The following SMYD3 variants were observed in gnomAD, a reference collection of about 807,000 sequenced individuals.
SMYD3 encodes SET and MYND domain containing 3.
In SMYD3, 36 loss-of-function variants were observed where a neutral mutation model predicts 57.7. The observed-to-expected ratio is 0.62, with a 90% CI of 0.48 to 0.82. The LOEUF (loss-of-function observed/expected upper bound fraction) is 0.82, where lower values mean the gene tolerates loss of function less well. Ranked by LOEUF, SMYD3 falls within the 40% of genes least tolerant of loss-of-function variation. The pLI is 0.00. For synonymous variants in SMYD3, 211 were observed against 195.0 expected (o/e 1.08, Z -0.68); for missense variants, 515 against 538.8 (o/e 0.96, Z 0.44).
chr1:246,020,601 G>T (rs756165857), intron 5 of SMYD3, among the ~76,000 whole-genome samples: 13 of 152,136 alleles, frequency 8.5e-5, no homozygotes, highest in Non-Finnish European at 1.8e-4. Flanking sequence ...AATAATAACA[G>T]TAGCTAACAC....
intron 10 of SMYD3, among the ~76,000 whole-genome samples, chr1:245,766,815 G>A (rs1439133833): frequency 6.6e-6 from 1 of 152,230 alleles, no homozygotes; most frequent in Non-Finnish European, 1.5e-5. Flanking sequence ...AGAGAAAGCG[G>A]TGTGTCATTA....
chr1:246,414,166 T>C (rs1290661731), intron 1 of SMYD3, among the ~76,000 whole-genome samples: 1 of 152,100 alleles, frequency 6.6e-6, no homozygotes, highest in East Asian at 1.9e-4. Context: ...CAGAGAGACA[T>C]AGCTACCAAA....
At chr1:246,183,287 G>A (rs2062582757) in intron 5 of SMYD3, among the ~76,000 whole-genome samples, 1 of 151,868 alleles carries the variant, frequency 6.6e-6, no homozygotes, top group African/African-American at 2.4e-5. Flanking sequence ...GAGGAATAAC[G>A]AGAAACTACA....
At chr1:246,148,398 G>T (rs1049386638) in intron 5 of SMYD3, among the ~76,000 whole-genome samples, 4 of 152,090 alleles carry the variant, frequency 2.6e-5, no homozygotes, top group African/African-American at 9.7e-5. Flanking sequence ...TCCACTAGAT[G>T]ACCTGCCTAC....
chr1:246,280,228 CTAACT>C (rs1385382893), intron 5 of SMYD3, among the ~76,000 whole-genome samples: 1 of 152,098 alleles, frequency 6.6e-6, no homozygotes, highest in African/African-American at 2.4e-5. Flanking sequence ...ATAACTAAAA[CTAACT>C]TTTCTTTATA....
rs570373554 is a variant in SMYD3 at position 246,371,864 on chromosome 1, C to G, written c.165-16770G>C. Among the ~76,000 whole-genome samples, 21 of 152,198 alleles carry G rather than the reference C, an allele frequency of 1.4e-4. No homozygotes were observed. The South Asian group carries it at 4.2e-3, about 30-fold the overall frequency. On this transcript the variant is annotated intron_variant, in intron 1 of 11. Coordinates refer to ENST00000490107, the MANE Select transcript of SMYD3 (RefSeq NM_001167740.2). ...TGGAGTCGTTTGTTCATTTAAGAGGCCTGAAGCCATCTTCTCCTTCTGCCT... is the reference window on the plus strand; with the variant it reads ...TGGAGTCGTTTGTTCATTTAAGAGGGCTGAAGCCATCTTCTCCTTCTGCCT...
At chr1:245,768,893 A>G (rs75686289) in intron 10 of SMYD3, among the ~76,000 whole-genome samples, 2 of 149,566 alleles carry the variant, frequency 1.3e-5, no homozygotes, top group African/African-American at 2.5e-5. Context: ...GAACTGTGAG[A>G]AAAAAAAAAA....
At chr1:245,897,320 G>A (rs1039382609) in intron 8 of SMYD3, among the ~76,000 whole-genome samples, 14 of 152,186 alleles carry the variant, frequency 9.2e-5, no homozygotes, top group East Asian at 3.8e-4. Context: ...TAGGTCGTGG[G>A]CAGGAGCAAG....
At chr1:246,252,959 A>C (rs2063820052) in intron 5 of SMYD3, among the ~76,000 whole-genome samples, 1 of 152,236 alleles carries the variant, frequency 6.6e-6, no homozygotes, top group Admixed American at 6.5e-5. Flanking sequence ...AATAATGTTT[A>C]ATATTTAATA....
At chr1:246,469,808 T>C (rs1249438082) in intron 1 of SMYD3, among the ~76,000 whole-genome samples, 3 of 152,198 alleles carry the variant, frequency 2.0e-5, no homozygotes, top group East Asian at 1.9e-4. Flanking sequence ...GACATTTGCA[T>C]GGTCTCAAAG....
At chr1:245,788,071 C>A (rs767360305) in intron 10 of SMYD3, among the ~76,000 whole-genome samples, 2 of 137,850 alleles carry the variant, frequency 1.5e-5, no homozygotes, top group Non-Finnish European at 3.1e-5. Context: ...CAGGGAACAG[C>A]GCAAGGAGAA....
intron 5 of SMYD3, among the ~76,000 whole-genome samples, chr1:246,189,554 A>G (rs1051509858): frequency 6.6e-6 from 1 of 152,232 alleles, no homozygotes; most frequent in African/African-American, 2.4e-5. Context: ...GGAAAGATGA[A>G]AAGGTTTTAA....
chr1:246,464,014 G>A (rs1315958773), intron 1 of SMYD3, among the ~76,000 whole-genome samples: 2 of 152,092 alleles, frequency 1.3e-5, no homozygotes, highest in South Asian at 2.1e-4. Context: ...GATGCCAGGC[G>A]AGGATGAGCC....
chr1:245,766,879 C>T (rs1288730951), intron 10 of SMYD3, among the ~76,000 whole-genome samples: 1 of 152,154 alleles, frequency 6.6e-6, no homozygotes, highest in Non-Finnish European at 1.5e-5. Context: ...TGAAGTAGAG[C>T]TTACAAAGGA....
intron 10 of SMYD3, among the ~76,000 whole-genome samples, chr1:245,832,643 C>T (rs2049902738): frequency 1.3e-5 from 2 of 152,022 alleles, no homozygotes; most frequent in South Asian, 2.1e-4. Context: ...CACTCTTTGC[C>T]ATCTGAGTCT....
At chr1:246,486,807 A>G (rs2068195276) in intron 1 of SMYD3, among the ~76,000 whole-genome samples, 1 of 152,164 alleles carries the variant, frequency 6.6e-6, no homozygotes, top group Non-Finnish European at 1.5e-5. Flanking sequence ...CAAAAAAACT[A>G]ATTCACTCAT....
In SMYD3 at chr1:246,481,621, T is replaced by TATATATATATATATACAC. The variant is rs1307881494; in HGVS notation, c.164+25432_164+25433insGTGTATATATATATATAT. 4.7e-3 allele frequency among the ~76,000 whole-genome samples: 464 copies of TATATATATATATATACAC among 98,260 alleles called. 24 individuals are homozygous for TATATATATATATATACAC. The highest frequency in any genetic ancestry group is 6.1e-3 in the Non-Finnish European group (291 of 47,816). 64.5% of individuals were successfully genotyped at this position (98,260 alleles called of 152,430 possible). On this transcript the variant is annotated intron_variant, in intron 1 of 11. Transcript: ENST00000490107. ...ATATATATATATACACATACATATA[T>TATATATATATATATACAC]ACATACATACATACACATATTCATA...
chr1:245,791,343 A>G (rs960452325), intron 10 of SMYD3, among the ~76,000 whole-genome samples: 2 of 152,204 alleles, frequency 1.3e-5, no homozygotes, highest in Admixed American at 1.3e-4. Flanking sequence ...CTAAAGTACT[A>G]CTTGCAACAC....
At chr1:246,415,877 T>C (rs990824670) in intron 1 of SMYD3, among the ~76,000 whole-genome samples, 2 of 152,260 alleles carry the variant, frequency 1.3e-5, no homozygotes, top group African/African-American at 4.8e-5. Flanking sequence ...TATGGTGTTC[T>C]GGTTGCACTG....
Sources: allele counts gnomAD v4.1 joint callset (sites outside exome capture counted in the v4.1 genomes callset), GRCh38; gene constraint gnomAD v4.1.1; transcripts MANE v1.5; gene names NCBI Gene and HGNC (gene_info 2026-07-23, HGNC 2026-07-21).